DPM2: variants seen among roughly 807,000 people sequenced by gnomAD.
DPM2 encodes dolichyl-phosphate mannosyltransferase subunit 2, regulatory.
Under a neutral mutation model 12.1 loss-of-function variants are expected in DPM2, and 8 were observed. The observed-to-expected ratio is 0.66, with a 90% confidence interval of 0.39 to 1.19. DPM2 has a LOEUF of 1.19. Among genes scored for constraint, DPM2 ranks in the 50% most tolerant of loss-of-function variants. The pLI is 0.01. For synonymous variants in DPM2, 38 were observed against 44.7 expected, an observed-to-expected ratio of 0.85 and a Z score of 0.60; for missense variants, 93 against 102.5, an observed-to-expected ratio of 0.91 and a Z score of 0.40.
Position 127,935,754 on chromosome 9 carries a change from T to A in DPM2, c.223A>T (p.Lys75Ter). 1 of 1,613,164 alleles carries A rather than the reference T, an allele frequency of 6.2e-7. No individual in the cohort carries two copies. The highest frequency in any genetic ancestry group is 8.5e-7 in the Non-Finnish European group (1 of 1,179,194). ...VGLFISYVML[K>*]TKRVTKKAQ ...GCCTTCTTGGTCACTCTCTTGGTCT[T>A]CAGCATCACATAGGAGATGAACAGT... The change falls in exon 4 of 4, where the codon AAG (lysine) becomes TAG (stop). Residue 75 changes from lysine (K) to a stop codon, truncating the protein, a stop_gained. Transcript: ENST00000314392. LOFTEE classifies it high-confidence loss of function.
chr9:127,936,101 C>T (rs1426523273), intron 3 of DPM2: 1 of 623,244 alleles, frequency 1.6e-6, no homozygotes, highest in Non-Finnish European at 2.7e-6. Flanking sequence ...CCTCCTCCTA[C>T]ACCTCACCCA....
rs570545591 is a variant in DPM2 at position 127,936,420 on chromosome 9, G to A, written c.196+133C>T. ...GAGGTTACTGACTGGCAGCCTCGAA[G>A]GATGAACAGGAAAACCCCACGGGTG... On this transcript the variant is annotated intron_variant, in intron 3 of 3. Coordinates refer to ENST00000314392, the MANE Select transcript of DPM2 (RefSeq NM_003863.4). The A allele has an allele frequency of 2.4e-5, 39 of 1,594,566 alleles. No individual in the cohort carries two copies. The South Asian group carries it at 3.7e-4, about 15-fold the overall frequency.
Position 127,937,847 on chromosome 9 carries a change from C to T in DPM2, c.-27G>A, listed in dbSNP as rs1437346930. 2 of 1,597,226 alleles carry T rather than the reference C, an allele frequency of 1.3e-6. No individual in the cohort carries two copies. The highest frequency in any genetic ancestry group is 1.3e-5 in the African/African-American group (1 of 74,890). ...TCCCCGCGCGCTCAGCCACCCGAGC[C>T]GCAAGCCACATCCGGTTCCGGGTCC... On this transcript the variant is annotated 5_prime_UTR_variant, in exon 1 of 4. Transcript: ENST00000314392.
chr9:127,936,834 T>C, intron 2 of DPM2, 179 bp from the exon 3 acceptor site: 2 of 542,136 alleles, frequency 3.7e-6, no homozygotes. Context: ...AATTTCTTAT[T>C]GGTATTTACC....
chr9:127,936,226 G>A lies in DPM2; in HGVS notation c.196+327C>T, dbSNP rs150094685. 2.2e-3 allele frequency: 2,987 copies of A among 1,370,288 alleles called. 8 individuals carry two copies. Among genetic ancestry groups the A allele is most frequent in the Middle Eastern group, 3.4e-3 (13 of 3,868 alleles). 84.9% of individuals were successfully genotyped at this position (1,370,288 alleles called of 1,614,324 possible). On this transcript the variant is annotated intron_variant, in intron 3 of 3. Coordinates refer to ENST00000314392, the MANE Select transcript of DPM2 (RefSeq NM_003863.4). ...CTGTTCTAGATGTGCAGTAATGATG[G>A]AGACACAGTCCCCATCCCTAGGAAG...
In DPM2 at chr9:127,935,664, G is replaced by A; in HGVS notation, c.*58C>T. Reference sequence around the variant, plus strand: ...CAGGTTCTGCAGGCTCCCCCACTTGGTCCCTGTGCTGGAGGGGAAGCAGAG... The same window carrying A: ...CAGGTTCTGCAGGCTCCCCCACTTGATCCCTGTGCTGGAGGGGAAGCAGAG... On this transcript the variant is annotated 3_prime_UTR_variant, in exon 4 of 4. Coordinates refer to ENST00000314392, the MANE Select transcript of DPM2 (RefSeq NM_003863.4). The A allele has an allele frequency of 1.9e-6, 3 of 1,584,370 alleles. No individual in the cohort carries two copies. Among genetic ancestry groups the A allele is most frequent in the Non-Finnish European group, 2.6e-6 (3 of 1,156,378 alleles).
At position 127,935,785 on chromosome 9, in the gene DPM2, G is replaced by A. The variant is rs886063482; in HGVS notation, c.197-5C>T. On this transcript the variant is annotated splice_polypyrimidine_tract_variant and splice_region_variant and intron_variant, in intron 3 of 3. Transcript: ENST00000314392. ...TCACATAGGAGATGAACAGTCCTGG[G>A]ATACACAGACCAGAAAGGCCACATA... 1.1e-5 allele frequency: 17 copies of A among 1,613,104 alleles called. No individual in the cohort carries two copies. The Admixed American group carries it at 1.5e-4, about 14-fold the overall frequency.
chr9:127,937,207 T>C (rs1353947000), intron 2 of DPM2: 4 of 434,860 alleles, frequency 9.2e-6, no homozygotes, highest in African/African-American at 2.0e-5. Context: ...GAGTTATAAG[T>C]GTAGCGGCTA....
intron 1 of DPM2, 110 bp downstream of exon 1, chr9:127,937,708 T>G: frequency 7.0e-7 from 1 of 1,432,604 alleles, no homozygotes; most frequent in East Asian, 2.3e-5. Flanking sequence ...CGTACAATAG[T>G]GGGGGCGGGA....
In DPM2 at chr9:127,935,655, C is replaced by T. The variant is rs1275500879; in HGVS notation, c.*67G>A. The T allele has an allele frequency of 3.2e-6, 5 of 1,560,036 alleles. No individual in the cohort carries two copies. Among genetic ancestry groups the T allele is most frequent in the Non-Finnish European group, 4.4e-6 (5 of 1,137,046 alleles). ...GTGCCTGGACAGGTTCTGCAGGCTC[C>T]CCCACTTGGTCCCTGTGCTGGAGGG... On this transcript the variant is annotated 3_prime_UTR_variant, in exon 4 of 4. Transcript: ENST00000314392.
At chr9:127,937,393 G>C (rs1831524779) in intron 2 of DPM2, 41 bp downstream of exon 2, 1 of 1,531,432 alleles carries the variant, frequency 6.5e-7, no homozygotes, top group East Asian at 2.2e-5. Context: ...GCGGTGCCAG[G>C]GCTCGGGGAA....
intron 3 of DPM2, chr9:127,936,127 A>C: frequency 1.5e-6 from 1 of 673,504 alleles, no homozygotes; most frequent in Admixed American, 3.3e-5. Flanking sequence ...CCATCCATCC[A>C]CCCATCATCC....
chr9:127,936,376 T>C, intron 3 of DPM2, 177 bp downstream of exon 3: 1 of 1,545,186 alleles, frequency 6.5e-7, no homozygotes, highest in Non-Finnish European at 8.7e-7. Context: ...CCAAAAAGCC[T>C]GGGGCACCAG....
In DPM2 at chr9:127,937,685, C is replaced by A. The variant is rs1031043800; in HGVS notation, c.3+133G>T. ...TAGGCTGGGAGAGAATGCTAGGCCT[C>A]CGCGTTGTCGTCCGTACAATAGTGG... is the stretch of plus-strand genomic sequence containing the variant. On this transcript the variant is annotated intron_variant, in intron 1 of 3. Transcript: ENST00000314392. 4 of 1,318,748 alleles carry A rather than the reference C, an allele frequency of 3.0e-6. No homozygotes were observed. In the East Asian group the frequency reaches 6.9e-5, roughly 23 times the overall value. 81.7% of individuals were successfully genotyped at this position (1,318,748 alleles called of 1,614,324 possible). A position where few individuals can be genotyped will look rare whatever the true frequency, so the allele number is the denominator to read the frequency against.
At chr9:127,936,531 A>AG in intron 3 of DPM2, 22 bp downstream of exon 3, 2 of 1,601,358 alleles carry the variant, frequency 1.2e-6, no homozygotes, top group Non-Finnish European at 1.7e-6. Context: ...CCCAGGGTCA[A>AG]GGGGAGGAGG....
rs779845740 is a variant in DPM2 at position 127,937,541 on chromosome 9, C to G, written c.4-18G>C. The G allele has an allele frequency of 4.4e-5, 70 of 1,600,226 alleles. No individual in the cohort carries two copies. Among genetic ancestry groups the G allele is most frequent in the African/African-American group, 6.7e-5 (5 of 74,442 alleles). On this transcript the variant is annotated intron_variant, in intron 1 of 3. Coordinates refer to ENST00000314392, the MANE Select transcript of DPM2 (RefSeq NM_003863.4). The stretch of plus-strand genomic sequence containing the variant: ...CCCGTGGCCTGGAGAAAAGGGAGGT[C>G]TCAGCTGACGAAGTGACCCTCTATT...
chr9:127,936,542 T>C lies in DPM2; in HGVS notation c.196+11A>G, dbSNP rs773414929. 1 of 1,596,422 alleles carries C rather than the reference T, an allele frequency of 6.3e-7. No homozygotes were observed. The highest frequency in any genetic ancestry group is 1.1e-5 in the South Asian group (1 of 89,696). ...CCTGCCCAGGGTCAAGGGGAGGAGGTGATGACTTACCCACAAACAGGAGCA... is the reference window on the plus strand; with the variant it reads ...CCTGCCCAGGGTCAAGGGGAGGAGGCGATGACTTACCCACAAACAGGAGCA... On this transcript the variant is annotated intron_variant, in intron 3 of 3. Transcript: ENST00000314392.
intron 3 of DPM2, chr9:127,936,100 A>C (rs929548644): frequency 1.6e-6 from 1 of 613,856 alleles, no homozygotes; most frequent in Non-Finnish European, 2.8e-6. Flanking sequence ...ACCTCCTCCT[A>C]CACCTCACCC....
At position 127,935,638 on chromosome 9, in the gene DPM2, A is replaced by G; in HGVS notation, c.*84T>C. 1 of 1,435,462 alleles carries G rather than the reference A, an allele frequency of 7.0e-7. No individual in the cohort carries two copies. The highest frequency in any genetic ancestry group is 1.2e-5 in the South Asian group (1 of 85,184). 88.9% of individuals were successfully genotyped at this position (1,435,462 alleles called of 1,614,324 possible). ...AGGCTTGAGGAGCCACTGTGCCTGG[A>G]CAGGTTCTGCAGGCTCCCCCACTTG... On this transcript the variant is annotated 3_prime_UTR_variant, in exon 4 of 4. Coordinates refer to ENST00000314392, the MANE Select transcript of DPM2 (RefSeq NM_003863.4).
Sources: allele counts gnomAD v4.1 joint callset, GRCh38; gene constraint gnomAD v4.1.1; transcripts MANE v1.5; gene names NCBI Gene and HGNC (gene_info 2026-07-23, HGNC 2026-07-21).